Variants in MYOM3 observed in about 807,000 individuals in gnomAD.
MYOM3 encodes myomesin 3, also known as myomesin-3.
MYOM3 carries 155 observed loss-of-function variants against 191.7 expected under a neutral mutation model. That is an observed-to-expected ratio of 0.81 (90% CI 0.71 to 0.92). The LOEUF is 0.92. Ranked by LOEUF, MYOM3 falls within the 40% of genes least tolerant of loss-of-function variation. The pLI is 0.00. For missense variants in MYOM3, 1,889 were observed against 1,890.6 expected (o/e 1.00, Z 0.02); for synonymous variants, 757 against 762.9 (o/e 0.99, Z 0.13).
chr1:24,086,099 A>C (rs1380943255), intron 15 of MYOM3, among the ~76,000 whole-genome samples: 1 of 151,922 alleles, frequency 6.6e-6, no homozygotes, highest in Non-Finnish European at 1.5e-5. Flanking sequence ...CAGTTGGGAG[A>C]CTCAGGAAGG....
intron 5 of MYOM3, among the ~76,000 whole-genome samples, chr1:24,101,185 C>T (rs996844833): frequency 5.9e-5 from 9 of 152,076 alleles, no homozygotes; most frequent in Non-Finnish European, 7.4e-5. Context: ...AGGGAGGTGC[C>T]GGCGGCTGTC....
chr1:24,059,294 C>G (rs1643340508), intron 35 of MYOM3, among the ~76,000 whole-genome samples: 1 of 152,188 alleles, frequency 6.6e-6, no homozygotes, highest in South Asian at 2.1e-4. Flanking sequence ...ATCAGCCCGC[C>G]TAGCTAATTT....
At chr1:24,084,662 G>A (rs1339755211) in intron 15 of MYOM3, 23 bp from the exon 16 acceptor site, 2 of 1,593,658 alleles carry the variant, frequency 1.3e-6, no homozygotes, top group Admixed American at 1.7e-5. Context: ...AACATGGGCT[G>A]AATGAGAAGG....
rs1644036708 is a variant in MYOM3 at position 24,111,325 on chromosome 1, A to G, written c.-19+706T>C. Among the ~76,000 whole-genome samples, 1 of 152,138 alleles carries G rather than the reference A, an allele frequency of 6.6e-6. No individual in the cohort carries two copies. Among genetic ancestry groups the G allele is most frequent in the Non-Finnish European group, 1.5e-5 (1 of 68,004 alleles). ...GAGGAGGCCTCTCCCCTTCTTCAGG[A>G]GGGAAAGAGGAATGCACAGCAGTTG... On this transcript the variant is annotated intron_variant, in intron 1 of 36. Transcript: ENST00000374434. The surrounding 1 kb of genome is among the most constrained non-coding windows in gnomAD (Gnocchi z 4.7).
At chr1:24,086,909 C>T in intron 14 of MYOM3, 82 bp from the exon 15 acceptor site, 2 of 1,421,098 alleles carry the variant, frequency 1.4e-6, no homozygotes, top group Admixed American at 3.6e-5. Flanking sequence ...ATCTCTGTCC[C>T]CAGCCCGTGT....
At position 24,086,666 on chromosome 1, in the gene MYOM3, G is replaced by A. The variant is rs1042189012; in HGVS notation, c.1776C>T (p.Pro592=). 9 of 1,613,984 alleles carry A rather than the reference G, an allele frequency of 5.6e-6. No individual in the cohort carries two copies. Among genetic ancestry groups the A allele is most frequent in the Middle Eastern group, 1.7e-4 (1 of 6,058 alleles). The part of the protein sequence containing the change: ...GLSDPSEPSE[P]IALRGPPATL... ...TACCTGGCGGGCCCCGCAAGGCGAT[G>A]GGTTCGCTGGGCTCCGAGGGATCGC... Residue 592 remains proline (P), a synonymous_variant, in exon 15 of 37, where the codon CCC becomes CCT. Transcript: ENST00000374434.
chr1:24,086,917 T>A, intron 14 of MYOM3, 90 bp from the exon 15 acceptor site: 1 of 1,355,084 alleles, frequency 7.4e-7, no homozygotes, highest in Non-Finnish European at 1.0e-6. Context: ...CCCCAGCCCG[T>A]GTGCTCTCAT....
At chr1:24,098,296 G>A (rs1231192949) in intron 6 of MYOM3, among the ~76,000 whole-genome samples, 2 of 152,264 alleles carry the variant, frequency 1.3e-5, no homozygotes. Context: ...GCTGACTGTG[G>A]AGGATCAGAG....
chr1:24,076,507 CTTTTTT>C lies in MYOM3; in HGVS notation c.2587-240_2587-235del, dbSNP rs558326490. On this transcript the variant is annotated intron_variant, in intron 20 of 36. Transcript: ENST00000374434. The stretch of plus-strand genomic sequence containing the variant: ...CATCTGTTTTATTTCCCTAATGTTT[CTTTTTT>C]TTTTTTTTTTTTTTTTTTGAGACGG... Among the ~76,000 whole-genome samples the C allele has an allele frequency of 1.8e-4, 9 of 49,106 alleles. 1 individual carries two copies. The highest frequency in any genetic ancestry group is 3.5e-4 in the Admixed American group (1 of 2,892). The allele number at this position is 49,106 out of a possible 152,430, so 32.2% of individuals were successfully genotyped here.
chr1:24,090,137 A>G lies in MYOM3; in HGVS notation c.1433-19T>C. On this transcript the variant is annotated intron_variant, in intron 12 of 36. Transcript: ENST00000374434. ...GGGATCTCTAGGATGAGAAGGGAGC[A>G]TGGGAGGGTGGGGGGTGGCACAGGA... 4 of 1,356,518 alleles carry G rather than the reference A, an allele frequency of 2.9e-6. No homozygotes were observed. The highest frequency in any genetic ancestry group is 4.2e-6 in the Non-Finnish European group (4 of 944,434). 84.0% of individuals were successfully genotyped at this position (1,356,518 alleles called of 1,614,324 possible). A position where few individuals can be genotyped will look rare whatever the true frequency, so the allele number is the denominator to read the frequency against.
intron 4 of MYOM3, among the ~76,000 whole-genome samples, chr1:24,106,464 C>T (rs1323000295): frequency 2.6e-5 from 4 of 152,106 alleles, no homozygotes; most frequent in Non-Finnish European, 5.9e-5. Flanking sequence ...TCAGGGCTAG[C>T]GTTTCCTGAG....
intron 13 of MYOM3, 148 bp downstream of exon 13, chr1:24,089,917 C>A: frequency 2.4e-6 from 2 of 850,678 alleles, no homozygotes; most frequent in South Asian, 3.3e-5. Context: ...CCACAGTGAC[C>A]CCAGCACTCT....
Position 24,086,778 on chromosome 1 carries a change from A to T in MYOM3, c.1664T>A (p.Val555Glu), listed in dbSNP as rs372008519. The T allele has an allele frequency of 1.9e-5, 31 of 1,610,554 alleles. No individual in the cohort carries two copies. Among genetic ancestry groups the T allele is most frequent in the Non-Finnish European group, 2.5e-5 (29 of 1,176,940 alleles). ...CAGAACGGCGAATCTCGGGGATCTC[A>T]CAGGGCTTTCCGAGCTGATGGCCTC... ...TWEAISSESPVRSPRFAVLDL... is the reference protein window; with the variant it reads ...TWEAISSESPERSPRFAVLDL... The change falls in exon 15 of 37, where the codon GTG (valine) becomes GAG (glutamate). Residue 555 changes from valine to glutamate, a missense_variant. Coordinates refer to ENST00000374434, the MANE Select transcript of MYOM3 (RefSeq NM_152372.4).
Position 24,111,782 on chromosome 1 carries a change from A to T in MYOM3, c.-19+249T>A, listed in dbSNP as rs1460133476. ...GCAACTTTCACATCACAGACAGCTC[A>T]GCTCTCAGAAGACCCAGGGCCACAC... On this transcript the variant is annotated intron_variant, in intron 1 of 36. Coordinates refer to ENST00000374434, the MANE Select transcript of MYOM3 (RefSeq NM_152372.4). This position sits in a 1 kb window ranked among gnomAD's most constrained non-coding sequence, Gnocchi z 4.7. 6.6e-6 allele frequency among the ~76,000 whole-genome samples: 1 copy of T among 150,492 alleles called. No homozygotes were observed. The highest frequency in any genetic ancestry group is 2.5e-5 in the African/African-American group (1 of 40,700).
In MYOM3 at chr1:24,075,475, C is replaced by A. The variant is rs376614517; in HGVS notation, c.2702G>T (p.Gly901Val). 4.5e-6 allele frequency: 7 copies of A among 1,561,710 alleles called. No homozygotes were observed. Among genetic ancestry groups the A allele is most frequent in the Non-Finnish European group, 6.0e-6 (7 of 1,157,358 alleles). ...CACACCAACCTCGATCTCATGGGCA[C>A]CTGAGGGCGAGATCCAACAGAGGGC... Reference protein sequence around the residue: ...TDPVLLEDKPGAHEIEVGVDE... With the variant: ...TDPVLLEDKPVAHEIEVGVDE... The change falls in exon 22 of 37, where the codon GGT becomes GTT. Residue 901 changes from glycine to valine, a missense_variant and splice_region_variant. Coordinates refer to ENST00000374434, the MANE Select transcript of MYOM3 (RefSeq NM_152372.4).
chr1:24,108,919 C>T (rs1644017885), intron 1 of MYOM3, among the ~76,000 whole-genome samples: 1 of 152,208 alleles, frequency 6.6e-6, no homozygotes, highest in South Asian at 2.1e-4. Context: ...GGAGCAGGGC[C>T]CTGGCTTCTA....
Position 24,098,028 on chromosome 1 carries a change from GAGA to G in MYOM3, c.657-20_657-18del. 6.4e-7 allele frequency: 1 copy of G among 1,557,284 alleles called. No individual in the cohort carries two copies. Among genetic ancestry groups the G allele is most frequent in the South Asian group, 1.1e-5 (1 of 89,974 alleles). ...ATGGCGCATCTGAAAAGGAGAGAGG[GAGA>G]AGTTCCTCCCAAGACTGCTGGGCTC... On this transcript the variant is annotated intron_variant, in intron 6 of 36. Transcript: ENST00000374434.
At chr1:24,091,083 G>T (rs1254661328) in intron 11 of MYOM3, 87 bp from the exon 12 acceptor site, 2 of 1,435,562 alleles carry the variant, frequency 1.4e-6, no homozygotes, top group Non-Finnish European at 1.9e-6. Context: ...TTCTCTGACT[G>T]GGGGAGCCTG....
chr1:24,082,828 T>C, intron 16 of MYOM3, 114 bp from the exon 17 acceptor site: 1 of 1,297,162 alleles, frequency 7.7e-7, no homozygotes, highest in Non-Finnish European at 1.0e-6. Flanking sequence ...AATTTGAAGG[T>C]TCAGGTCAAT....
Sources: gnomAD v4.1 joint callset for allele counts (sites outside exome capture counted in the v4.1 genomes callset) on GRCh38, gnomAD v4.1.1 for gene constraint, Gnocchi (gnomAD v3.1) non-coding constraint, MANE v1.5 for transcripts, NCBI Gene and HGNC (gene_info 2026-07-23, HGNC 2026-07-21) for gene names.